Variants in RGSL1 observed in about 807,000 individuals in gnomAD.
The protein encoded by RGSL1 is regulator of G protein signaling like 1, also known as regulator of G protein signaling protein-like.
In RGSL1, 97 loss-of-function variants were observed where a neutral mutation model predicts 124.7. The ratio of observed to expected loss-of-function variants is 0.78; its 90% CI spans 0.66 to 0.92. The LOEUF is 0.92. Among genes scored for constraint, RGSL1 ranks in the 40% least tolerant of loss-of-function variants. The pLI is 0.00. For synonymous variants in RGSL1, 424 were observed against 438.1 expected (o/e 0.97, Z 0.40); for missense variants, 1,233 against 1,288.4 (o/e 0.96, Z 0.66).
At chr1:182,475,668 C>A (rs769073413) in intron 6 of RGSL1, among the ~76,000 whole-genome samples, 1 of 151,912 alleles carries the variant, frequency 6.6e-6, no homozygotes, top group African/African-American at 2.4e-5. Flanking sequence ...GAAATAGATA[C>A]CCCAAGCTCA....
chr1:182,556,252 C>T lies in RGSL1; in HGVS notation c.*165+30C>T, dbSNP rs147592177. 212 of 571,174 alleles carry T rather than the reference C, an allele frequency of 3.7e-4. 1 individual carries two copies. Among genetic ancestry groups the T allele is most frequent in the African/African-American group, 2.2e-3 (115 of 53,262 alleles). 35.4% of individuals were successfully genotyped at this position (571,174 alleles called of 1,614,324 possible). The stretch of plus-strand genomic sequence containing the variant: ...GACTTGGGCAGAGCATGAGAGGAAG[C>T]GCATCTTTCCACTACAGTGAGTTGG... On this transcript the variant is annotated intron_variant, in intron 21 of 21. Transcript: ENST00000294854.
chr1:182,540,221 G>A (rs1231072216), intron 14 of RGSL1, 26 bp from the exon 15 acceptor site: 3 of 1,520,794 alleles, frequency 2.0e-6, no homozygotes, highest in African/African-American at 1.4e-5. Flanking sequence ...AAACAAAATT[G>A]TAATTCCTTC....
chr1:182,477,576 A>G (rs1044348793), intron 6 of RGSL1, among the ~76,000 whole-genome samples: 1 of 152,170 alleles, frequency 6.6e-6, no homozygotes, highest in African/African-American at 2.4e-5. Flanking sequence ...TGGCTTTTCC[A>G]GACTGCTAGC....
chr1:182,515,123 G>A (rs1331175078), intron 9 of RGSL1, among the ~76,000 whole-genome samples: 2 of 152,176 alleles, frequency 1.3e-5, no homozygotes, highest in African/African-American at 4.8e-5. Context: ...AGGTGTCACT[G>A]CAGCCCACAC....
chr1:182,540,236 TTC>T lies in RGSL1; in HGVS notation c.2495-4_2495-3del. The T allele has an allele frequency of 6.5e-7, 1 of 1,531,060 alleles. No individual in the cohort carries two copies. Among genetic ancestry groups the T allele is most frequent in the Non-Finnish European group, 8.8e-7 (1 of 1,138,624 alleles). 94.8% of individuals were successfully genotyped at this position (1,531,060 alleles called of 1,614,324 possible). ...AAACAAAATTGTAATTCCTTCTTCT[TTC>T]TCTCTCAGATTTCACCACAGCACAC... On this transcript the variant is annotated splice_polypyrimidine_tract_variant and intron_variant, in intron 14 of 21. Coordinates refer to ENST00000294854, the MANE Select transcript of RGSL1 (RefSeq NM_001137669.2).
chr1:182,555,435 A>G (rs920801613), intron 20 of RGSL1: 1 of 155,452 alleles, frequency 6.4e-6, no homozygotes, highest in African/African-American at 2.4e-5. Flanking sequence ...CAGGGTGCAT[A>G]AGGTGGGAAA....
chr1:182,462,179 A>C (rs1652896919), intron 4 of RGSL1, among the ~76,000 whole-genome samples: 1 of 152,220 alleles, frequency 6.6e-6, no homozygotes, highest in African/African-American at 2.4e-5. Context: ...TCTCATCAGA[A>C]ACTGTGGAGT....
At chr1:182,521,044 C>G (rs1658296603) in intron 9 of RGSL1, among the ~76,000 whole-genome samples, 1 of 152,080 alleles carries the variant, frequency 6.6e-6, no homozygotes, top group Non-Finnish European at 1.5e-5. Context: ...ATCTATTGTT[C>G]TTCAATAATA....
intron 14 of RGSL1, among the ~76,000 whole-genome samples, chr1:182,537,882 A>C (rs1347525765): frequency 2.6e-5 from 4 of 152,186 alleles, no homozygotes; most frequent in Non-Finnish European, 5.9e-5. Flanking sequence ...GAACCTCTGC[A>C]GATTTCCAGG....
At position 182,548,824 on chromosome 1, in the gene RGSL1, G is replaced by C; in HGVS notation, c.2933G>C (p.Arg978Thr). The stretch of plus-strand genomic sequence containing the variant: ...CCCGTTGTTATGTACTTCTGGAAAA[G>C]GTAACTGTTTCTCCTTATTCAGTGA... ...VFPVVMYFWK[R>T]FCFWKATRSY... The change falls in exon 17 of 22, where the codon AGG becomes ACG. Residue 978 changes from arginine to threonine, a missense_variant and splice_region_variant. Coordinates refer to ENST00000294854, the MANE Select transcript of RGSL1 (RefSeq NM_001137669.2). 2 of 1,551,456 alleles carry C rather than the reference G, an allele frequency of 1.3e-6. No individual in the cohort carries two copies. The highest frequency in any genetic ancestry group is 1.7e-6 in the Non-Finnish European group (2 of 1,146,898).
At chr1:182,460,317 G>C (rs2101996588) in intron 4 of RGSL1, among the ~76,000 whole-genome samples, 184 bp downstream of exon 4, 1 of 152,178 alleles carries the variant, frequency 6.6e-6, no homozygotes, top group Middle Eastern at 3.4e-3. Flanking sequence ...ACAAATACTG[G>C]CTGAATTTAT....
chr1:182,502,440 A>G (rs1288444463), intron 9 of RGSL1, among the ~76,000 whole-genome samples: 1 of 152,116 alleles, frequency 6.6e-6, no homozygotes, highest in African/African-American at 2.4e-5. Context: ...ACCAGGCACA[A>G]TGGCACATGC....
At position 182,454,952 on chromosome 1, in the gene RGSL1, G is replaced by A. The variant is rs992854912; in HGVS notation, c.96+912G>A. ...AAAAGGCGAAATTTCAGTCAAGTGG[G>A]AGAAGCACCCTCTCTATCCCACACA... On this transcript the variant is annotated intron_variant, in intron 2 of 21. Coordinates refer to ENST00000294854, the MANE Select transcript of RGSL1 (RefSeq NM_001137669.2). 3.9e-5 allele frequency among the ~76,000 whole-genome samples: 6 copies of A among 152,228 alleles called. 1 individual carries two copies. In the South Asian group the frequency reaches 1.0e-3, roughly 26 times the overall value.
intron 14 of RGSL1, among the ~76,000 whole-genome samples, chr1:182,537,583 G>A (rs1040227296): frequency 2.0e-5 from 3 of 152,110 alleles, no homozygotes; most frequent in South Asian, 2.1e-4. Context: ...TAAGTTACTC[G>A]AAAACAGTTT....
intron 6 of RGSL1, among the ~76,000 whole-genome samples, chr1:182,475,099 T>C (rs2102045100): frequency 6.6e-6 from 1 of 152,288 alleles, no homozygotes; most frequent in African/African-American, 2.4e-5. Context: ...GTGGTTGATG[T>C]CCATTCCTTC....
chr1:182,484,737 C>T (rs1234706771), intron 6 of RGSL1, among the ~76,000 whole-genome samples: 1 of 152,154 alleles, frequency 6.6e-6, no homozygotes, highest in Non-Finnish European at 1.5e-5. Context: ...AGTGCCATTT[C>T]CCCAGGAGGG....
intron 20 of RGSL1, chr1:182,554,955 G>T: frequency 2.1e-6 from 1 of 483,194 alleles, no homozygotes; most frequent in South Asian, 3.1e-5. Context: ...CAATACTGCT[G>T]TGGAAGTGTC....
At position 182,553,476 on chromosome 1, in the gene RGSL1, T is replaced by G; in HGVS notation, c.3065T>G (p.Phe1022Cys). 1 of 1,552,032 alleles carries G rather than the reference T, an allele frequency of 6.4e-7. No homozygotes were observed. Among genetic ancestry groups the G allele is most frequent in the Non-Finnish European group, 8.7e-7 (1 of 1,147,018 alleles). The change falls in exon 19 of 22, where the codon TTC (phenylalanine) becomes TGC (cysteine). Residue 1022 changes from phenylalanine to cysteine, a missense_variant. By Grantham distance (205) the Phe-to-Cys change is radical (BLOSUM62 -2). Transcript: ENST00000294854. ...SSGGDNAILRFTLLRGIEWLQ... is the reference protein window; with the variant it reads ...SSGGDNAILRCTLLRGIEWLQ... The stretch of plus-strand genomic sequence containing the variant: ...CCAGGAGACAATGCCATCTTAAGGT[T>G]CACCTTGCTCAGAGGTATTGAGTGG...
intron 14 of RGSL1, among the ~76,000 whole-genome samples, chr1:182,538,796 T>C (rs1359838248): frequency 1.3e-5 from 2 of 152,128 alleles, no homozygotes; most frequent in African/African-American, 4.8e-5. Context: ...TCCCTCACCT[T>C]AGCAGGTCAG....
Sources: gnomAD v4.1 joint callset for allele counts (sites outside exome capture counted in the v4.1 genomes callset) on GRCh38, gnomAD v4.1.1 for gene constraint, MANE v1.5 for transcripts, NCBI Gene and HGNC (gene_info 2026-07-23, HGNC 2026-07-21) for gene names.